Variants in DPP10 observed in about 807,000 individuals in gnomAD.
DPP10 encodes the protein dipeptidyl peptidase like 10, also known as inactive dipeptidyl peptidase 10.
DPP10 carries 33 observed loss-of-function variants against 120.9 expected under a neutral mutation model. That is an observed-to-expected ratio of 0.27 (90% CI 0.21 to 0.37). DPP10 has a LOEUF of 0.37. Among genes scored for constraint, DPP10 ranks in the 10% least tolerant of loss-of-function variants. DPP10 has a pLI of 1.00. For missense variants in DPP10, 816 were observed against 942.8 expected (o/e 0.87, Z 1.76); for synonymous variants, 337 against 326.1 (o/e 1.03, Z -0.36).
intron 1 of DPP10, among the ~76,000 whole-genome samples, chr2:115,308,347 G>A (rs1334770510): frequency 1.3e-5 from 2 of 149,922 alleles, no homozygotes; most frequent in Admixed American, 6.8e-5. Flanking sequence ...TAAATAAAGA[G>A]GCTGTATTGA....
At chr2:115,355,219 T>C (rs183453576) in intron 3 of DPP10, among the ~76,000 whole-genome samples, 56 of 152,286 alleles carry the variant, frequency 3.7e-4, no homozygotes, top group African/African-American at 1.3e-3. Flanking sequence ...CTCAGCAGCA[T>C]CTATTGTTTC....
intron 1 of DPP10, among the ~76,000 whole-genome samples, chr2:115,095,100 T>C (rs1709604720): frequency 6.6e-6 from 1 of 152,180 alleles, no homozygotes. Flanking sequence ...ACAAGGTGAT[T>C]AGACAGATGA....
chr2:115,537,122 C>T (rs1248692208), intron 5 of DPP10, among the ~76,000 whole-genome samples: 1 of 152,106 alleles, frequency 6.6e-6, no homozygotes, highest in East Asian at 1.9e-4. Flanking sequence ...GATGCAGGTT[C>T]CAACCTTCTT....
rs540634897 is a variant in DPP10 at position 114,480,348 on chromosome 2, G to A, written c.60+37510G>A. 3.8e-3 allele frequency among the ~76,000 whole-genome samples: 583 copies of A among 152,044 alleles called. 3 individuals carry two copies. Among genetic ancestry groups the A allele is most frequent in the African/African-American group, 0.013 (533 of 41,460 alleles). On this transcript the variant is annotated intron_variant, in intron 1 of 25. Transcript: ENST00000410059. ...AAATACCATTTGACCCAGCCATCCC[G>A]TTACTGGGTATATACCCAAAGGATT... is the stretch of plus-strand genomic sequence containing the variant.
chr2:114,991,287 A>C (rs1242334043), intron 1 of DPP10, among the ~76,000 whole-genome samples: 1 of 152,214 alleles, frequency 6.6e-6, no homozygotes, highest in Admixed American at 6.5e-5. Context: ...CTCCGTGATC[A>C]TCAAGAGAAA....
rs189506278 is a variant in DPP10 at position 115,096,410 on chromosome 2, C to T, written c.61-212829C>T. ...GCAATGTACAAATATATGAAGTTTC[C>T]TAATTGATGAATAAAATGATAAACA... On this transcript the variant is annotated intron_variant, in intron 1 of 25. Coordinates refer to ENST00000410059, the MANE Select transcript of DPP10 (RefSeq NM_020868.6). Among the ~76,000 whole-genome samples, 649 of 152,072 alleles carry T rather than the reference C, an allele frequency of 4.3e-3. 2 individuals are homozygous for T. The highest frequency in any genetic ancestry group is 0.015 in the African/African-American group (609 of 41,454).
rs555286230 is a variant in DPP10 at position 114,553,328 on chromosome 2, A to C, written c.60+110490A>C. On this transcript the variant is annotated intron_variant, in intron 1 of 25. Transcript: ENST00000410059. ...TGATAATTTCCAGGTTAAATCTTATAAGTGGAAATTGGATCCACAGCTGGA... is the reference window on the plus strand; with the variant it reads ...TGATAATTTCCAGGTTAAATCTTATCAGTGGAAATTGGATCCACAGCTGGA... Among the ~76,000 whole-genome samples the C allele has an allele frequency of 3.4e-4, 52 of 152,298 alleles. 1 individual carries two copies. Among genetic ancestry groups the C allele is most frequent in the Admixed American group, 2.0e-3 (31 of 15,302 alleles).
chr2:115,375,215 C>T (rs772384529), intron 3 of DPP10, among the ~76,000 whole-genome samples: 6 of 152,160 alleles, frequency 3.9e-5, no homozygotes, highest in Non-Finnish European at 5.9e-5. Flanking sequence ...ACATCTTGAA[C>T]GATTTGCTGC....
At chr2:114,802,788 G>C (rs1684374508) in intron 1 of DPP10, among the ~76,000 whole-genome samples, 1 of 152,140 alleles carries the variant, frequency 6.6e-6, no homozygotes, top group African/African-American at 2.4e-5. Context: ...TGATTCATAA[G>C]ATCTTCTTTT....
intron 1 of DPP10, among the ~76,000 whole-genome samples, chr2:115,120,680 T>G (rs1559118381): frequency 6.6e-6 from 1 of 152,150 alleles, no homozygotes; most frequent in South Asian, 2.1e-4. Flanking sequence ...CAATTTTACA[T>G]TTTTTTAAAT....
Position 115,712,540 on chromosome 2 carries a change from T to TTTTATATA in DPP10, c.577-15275_577-15274insTTATATAT, listed in dbSNP as rs778592374. ...AGAAATAGCTTTGAAGAGTCCTGAA[T>TTTTATATA]TAAATATATATATATATATATATAT... On this transcript the variant is annotated intron_variant, in intron 7 of 25. Coordinates refer to ENST00000410059, the MANE Select transcript of DPP10 (RefSeq NM_020868.6). 1.7e-3 allele frequency among the ~76,000 whole-genome samples: 30 copies of TTTTATATA among 18,066 alleles called. 4 individuals are homozygous for TTTTATATA. In the East Asian group the frequency reaches 0.018, roughly 11 times the overall value. The allele number at this position is 18,066 out of a possible 152,430, so 11.9% of individuals were successfully genotyped here. A position where few individuals can be genotyped will look rare whatever the true frequency, so the allele number is the denominator to read the frequency against.
chr2:115,112,782 C>T (rs13012108), intron 1 of DPP10, among the ~76,000 whole-genome samples: 40,020 of 152,046 alleles, frequency 0.26, 5,695 homozygotes, highest in Non-Finnish European at 0.31. Context: ...ATCTACTGTA[C>T]AATTTGGCGA....
At position 114,997,431 on chromosome 2, in the gene DPP10, G is replaced by T. The variant is rs62164469; in HGVS notation, c.61-311808G>T. Among the ~76,000 whole-genome samples the T allele has an allele frequency of 3.3e-3, 495 of 151,206 alleles. 1 individual carries two copies. The highest frequency in any genetic ancestry group is 5.1e-3 in the Non-Finnish European group (343 of 67,920). On this transcript the variant is annotated intron_variant, in intron 1 of 25. Transcript: ENST00000410059. ...TGCTTGAACCCAGGAGGCGGAGGTTGCAGTAAGCCGAGACTGTGCCACTGC... is the reference window on the plus strand; with the variant it reads ...TGCTTGAACCCAGGAGGCGGAGGTTTCAGTAAGCCGAGACTGTGCCACTGC...
At chr2:114,951,621 T>C (rs976018204) in intron 1 of DPP10, among the ~76,000 whole-genome samples, 1 of 152,198 alleles carries the variant, frequency 6.6e-6, no homozygotes, top group African/African-American at 2.4e-5. Context: ...TTTTAAGCAG[T>C]AAAATTAGAA....
At chr2:115,817,269 TGAAAG>T (rs948047578) in intron 21 of DPP10, among the ~76,000 whole-genome samples, 4 of 151,770 alleles carry the variant, frequency 2.6e-5, no homozygotes, top group African/African-American at 4.8e-5. Flanking sequence ...AATAAAAAGA[TGAAAG>T]GAAAAGGGGG....
chr2:114,751,979 G>T (rs1231830272), intron 1 of DPP10, among the ~76,000 whole-genome samples: 1 of 152,200 alleles, frequency 6.6e-6, no homozygotes, highest in Admixed American at 6.5e-5. Context: ...GAAGCTCCCA[G>T]GTGATGCTTC....
In DPP10 at chr2:115,432,659, T is replaced by TTGTGTGTGTGTGTGTG. The variant is rs59844767; in HGVS notation, c.272-66825_272-66810dup. Among the ~76,000 whole-genome samples, 472 of 137,736 alleles carry TTGTGTGTGTGTGTGTG rather than the reference T, an allele frequency of 3.4e-3. 6 individuals are homozygous for TTGTGTGTGTGTGTGTG. Among genetic ancestry groups the TTGTGTGTGTGTGTGTG allele is most frequent in the Admixed American group, 4.4e-3 (60 of 13,562 alleles). 90.4% of individuals were successfully genotyped at this position (137,736 alleles called of 152,430 possible). On this transcript the variant is annotated intron_variant, in intron 3 of 25. Coordinates refer to ENST00000410059, the MANE Select transcript of DPP10 (RefSeq NM_020868.6). ...CCTTGTTTAAAAGCCATAGGCAATTTTGTGTGTGTGTGTGTGTGTGTGTGT... is the reference window on the plus strand; with the variant it reads ...CCTTGTTTAAAAGCCATAGGCAATTTTGTGTGTGTGTGTGTGTGTGTGTGTGTGTGTGTGTGTGTGT...
intron 3 of DPP10, among the ~76,000 whole-genome samples, chr2:115,413,983 T>A (rs1487906832): frequency 6.6e-6 from 1 of 152,266 alleles, no homozygotes; most frequent in Non-Finnish European, 1.5e-5. Flanking sequence ...GCCTAAGAAA[T>A]TTCATGTATG....
chr2:115,736,743 A>G (rs1676564973), intron 8 of DPP10, among the ~76,000 whole-genome samples: 3 of 152,176 alleles, frequency 2.0e-5, no homozygotes, highest in African/African-American at 7.2e-5. Flanking sequence ...TCCTATGTCA[A>G]AGGCTCAGCG....
Sources: allele counts gnomAD v4.1 joint callset (sites outside exome capture counted in the v4.1 genomes callset), GRCh38; gene constraint gnomAD v4.1.1; transcripts MANE v1.5; gene names NCBI Gene and HGNC (gene_info 2026-07-23, HGNC 2026-07-21).